The following GRIK2 variants were observed in gnomAD, a reference collection of about 807,000 sequenced individuals.
GRIK2 encodes the protein glutamate ionotropic receptor kainate type subunit 2, also known as glutamate receptor ionotropic, kainate 2.
A neutral mutation model predicts 100.3 loss-of-function variants in GRIK2; 32 were observed. The ratio of observed to expected loss-of-function variants is 0.32; its 90% CI spans 0.24 to 0.43. The LOEUF is 0.43. Among genes scored for constraint, GRIK2 ranks in the 20% least tolerant of loss-of-function variants. The pLI is 1.00. For synonymous variants in GRIK2, 417 were observed against 389.4 expected, an observed-to-expected ratio of 1.07 and a Z score of -0.83; for missense variants, 843 against 1,114.9, an observed-to-expected ratio of 0.76 and a Z score of 3.47.
intron 12 of GRIK2, among the ~76,000 whole-genome samples, chr6:101,910,224 T>G (rs1039762835): frequency 1.3e-5 from 2 of 151,166 alleles, no homozygotes; most frequent in African/African-American, 4.8e-5. Context: ...TGCTAAACAG[T>G]TTAGTCAGTT....
chr6:101,779,955 C>T (rs924485485), intron 7 of GRIK2, among the ~76,000 whole-genome samples: 1 of 152,086 alleles, frequency 6.6e-6, no homozygotes, highest in Non-Finnish European at 1.5e-5. Context: ...TTACTCCCAA[C>T]CCCTGCTTAG....
intron 7 of GRIK2, among the ~76,000 whole-genome samples, chr6:101,771,105 A>G (rs1778372510): frequency 6.6e-6 from 1 of 152,292 alleles, no homozygotes; most frequent in South Asian, 2.1e-4. Context: ...AAAAGTAATG[A>G]TATCACTTTG....
intron 10 of GRIK2, among the ~76,000 whole-genome samples, chr6:101,832,498 A>G (rs1161635269): frequency 2.0e-5 from 3 of 152,208 alleles, no homozygotes; most frequent in Non-Finnish European, 4.4e-5. Flanking sequence ...TAAGAATATT[A>G]GCTCTTCATT....
chr6:101,591,703 T>C (rs1326748798), intron 2 of GRIK2, among the ~76,000 whole-genome samples: 1 of 151,990 alleles, frequency 6.6e-6, no homozygotes, highest in African/African-American at 2.4e-5. Context: ...AATAATGAAG[T>C]ATGGTGGGGA....
At chr6:101,502,382 C>A (rs1164768667) in intron 2 of GRIK2, among the ~76,000 whole-genome samples, 2 of 151,932 alleles carry the variant, frequency 1.3e-5, no homozygotes, top group Admixed American at 1.3e-4. Flanking sequence ...TAACTTTAGA[C>A]ACATTTAAAT....
intron 2 of GRIK2, among the ~76,000 whole-genome samples, chr6:101,414,586 G>T (rs1293252936): frequency 1.3e-5 from 2 of 152,120 alleles, no homozygotes; most frequent in Non-Finnish European, 2.9e-5. Flanking sequence ...GGATCTGTAA[G>T]TTTCTGGGGT....
At chr6:101,476,154 A>C (rs1043760759) in intron 2 of GRIK2, among the ~76,000 whole-genome samples, 1 of 152,082 alleles carries the variant, frequency 6.6e-6, no homozygotes, top group Non-Finnish European at 1.5e-5. Context: ...ATACCATATG[A>C]TGAATTTAGT....
intron 7 of GRIK2, among the ~76,000 whole-genome samples, chr6:101,700,811 TTCC>T (rs1772840338): frequency 6.6e-6 from 1 of 152,116 alleles, no homozygotes; most frequent in African/African-American, 2.4e-5. Context: ...GGTAGCAGGC[TTCC>T]TGCAATTCAA....
At chr6:101,555,571 T>G (rs575075051) in intron 2 of GRIK2, among the ~76,000 whole-genome samples, 1 of 152,198 alleles carries the variant, frequency 6.6e-6, no homozygotes, top group Non-Finnish European at 1.5e-5. Context: ...CATCTAAAAT[T>G]TTATGTAATA....
At chr6:101,899,327 A>T (rs1787690784) in intron 12 of GRIK2, among the ~76,000 whole-genome samples, 1 of 151,970 alleles carries the variant, frequency 6.6e-6, no homozygotes, top group Non-Finnish European at 1.5e-5. Flanking sequence ...TCTCTCTAAG[A>T]AACTTGTTGA....
chr6:102,065,624 A>G (rs1771979772), intron 16 of GRIK2, among the ~76,000 whole-genome samples: 1 of 151,474 alleles, frequency 6.6e-6, no homozygotes, highest in Admixed American at 6.6e-5. Context: ...TGAGATTGCC[A>G]AGAAGAAGGT....
chr6:101,471,916 T>G (rs2128256478), intron 2 of GRIK2, among the ~76,000 whole-genome samples: 1 of 152,000 alleles, frequency 6.6e-6, no homozygotes, highest in South Asian at 2.1e-4. Context: ...TATTAAGCAT[T>G]CAAGATGAGC....
intron 2 of GRIK2, among the ~76,000 whole-genome samples, chr6:101,621,287 T>C (rs111618911): frequency 1.4e-4 from 22 of 151,952 alleles, no homozygotes; most frequent in African/African-American, 5.1e-4. Context: ...ACCCCGACTA[T>C]ACAAAAAATA....
At chr6:101,650,283 T>C (rs190123093) in intron 4 of GRIK2, among the ~76,000 whole-genome samples, 1 of 152,222 alleles carries the variant, frequency 6.6e-6, no homozygotes, top group Admixed American at 6.6e-5. Context: ...TTCCACTGTT[T>C]GGCTAGAAGG....
chr6:101,883,099 A>T (rs764383883), intron 11 of GRIK2, among the ~76,000 whole-genome samples: 4 of 151,930 alleles, frequency 2.6e-5, no homozygotes, highest in Admixed American at 6.6e-5. Context: ...TGGAGACCTC[A>T]ACAGAAACAG....
chr6:101,791,228 G>A (rs1387884136), intron 7 of GRIK2, among the ~76,000 whole-genome samples: 14 of 152,098 alleles, frequency 9.2e-5, no homozygotes, highest in Admixed American at 2.6e-4. Flanking sequence ...TCTGATTTTA[G>A]TTGTTTCTTG....
At chr6:101,869,939 G>T (rs1185027030) in intron 11 of GRIK2, among the ~76,000 whole-genome samples, 1 of 151,870 alleles carries the variant, frequency 6.6e-6, no homozygotes, top group East Asian at 1.9e-4. Context: ...ATATCTGAAA[G>T]GTAACTCAAC....
chr6:101,858,376 ATTTTTTTTTCTTTTTTTT>A (rs1784543364), intron 10 of GRIK2, among the ~76,000 whole-genome samples: 1 of 125,468 alleles, frequency 8.0e-6, no homozygotes, highest in Non-Finnish European at 1.6e-5. Flanking sequence ...CTCTCTCTCT[ATTTTTTTTTCTTTTTTTT>A]TTTTTTTTTT....
chr6:101,934,379 A>C (rs75426325), intron 14 of GRIK2, among the ~76,000 whole-genome samples: 7,384 of 151,970 alleles, frequency 0.049, 251 homozygotes, highest in Admixed American at 0.12. Flanking sequence ...TGTTCTTTAT[A>C]GTCTGCCACT....
Sources: allele counts gnomAD v4.1 joint callset (sites outside exome capture counted in the v4.1 genomes callset), GRCh38; gene constraint gnomAD v4.1.1; transcripts MANE v1.5; gene names NCBI Gene and HGNC (gene_info 2026-07-23, HGNC 2026-07-21).